STRN3: variants seen among roughly 807,000 people sequenced by gnomAD.
The protein encoded by STRN3 is striatin 3.
In STRN3, 29 loss-of-function variants were observed where a neutral mutation model predicts 95.6. That is an observed-to-expected ratio of 0.30 (90% CI 0.23 to 0.41). The LOEUF (loss-of-function observed/expected upper bound fraction) is 0.41. Ranked by LOEUF, STRN3 falls within the 10% of genes least tolerant of loss-of-function variation. The probability of loss-of-function intolerance (pLI) is 1.00; values close to 1 mark genes in which losing one functional copy is unlikely to be tolerated. For missense variants in STRN3, 890 were observed against 972.1 expected, an observed-to-expected ratio of 0.92 and a Z score of 1.12; for synonymous variants, 331 against 357.6, an observed-to-expected ratio of 0.93 and a Z score of 0.84.
Position 30,944,552 on chromosome 14 carries a change from C to T in STRN3, c.716+2538G>A, listed in dbSNP as rs941942995. Among the ~76,000 whole-genome samples, 94 of 64,034 alleles carry T rather than the reference C, an allele frequency of 1.5e-3. 1 individual carries two copies. Among genetic ancestry groups the T allele is most frequent in the African/African-American group, 5.6e-3 (75 of 13,340 alleles). 42.0% of individuals were successfully genotyped at this position (64,034 alleles called of 152,430 possible). The stretch of plus-strand genomic sequence containing the variant: ...ACATATATATACATGTATATATACA[C>T]GTATATATATATATATATACACACA... On this transcript the variant is annotated intron_variant, in intron 5 of 17. Transcript: ENST00000357479.
At chr14:30,911,962 A>G in intron 11 of STRN3, 45 bp downstream of exon 11, 1 of 1,585,506 alleles carries the variant, frequency 6.3e-7, no homozygotes, top group South Asian at 1.2e-5. Context: ...TACTTATATT[A>G]GCAAAATTGG....
intron 8 of STRN3, among the ~76,000 whole-genome samples, chr14:30,919,362 G>T (rs199568077): frequency 3.5e-4 from 52 of 146,554 alleles, no homozygotes; most frequent in African/African-American, 9.5e-4. Context: ...TCTCTAAAGA[G>T]ATATATATAT....
At position 30,935,381 on chromosome 14, in the gene STRN3, C is replaced by CA. The variant is rs1002743358; in HGVS notation, c.847-78dup. The CA allele has an allele frequency of 4.1e-6, 6 of 1,451,656 alleles. No homozygotes were observed. In the African/African-American group the frequency reaches 8.5e-5, roughly 21 times the overall value. 89.9% of individuals were successfully genotyped at this position (1,451,656 alleles called of 1,614,324 possible). On this transcript the variant is annotated intron_variant, in intron 6 of 17. Coordinates refer to ENST00000357479, the MANE Select transcript of STRN3 (RefSeq NM_001083893.2). ...ATGCTTTAATATTGTCACATAACTACATTTACACACCCATTTTAAAATTAC... is the reference window on the plus strand; with the variant it reads ...ATGCTTTAATATTGTCACATAACTACAATTTACACACCCATTTTAAAATTAC...
chr14:30,944,711 T>TG (rs1206588678), intron 5 of STRN3, among the ~76,000 whole-genome samples: 1 of 150,414 alleles, frequency 6.6e-6, no homozygotes, highest in Non-Finnish European at 1.5e-5. Flanking sequence ...CTTTGCCTCC[T>TG]GGTTCAAGCG....
intron 8 of STRN3, among the ~76,000 whole-genome samples, chr14:30,921,416 C>T (rs779254218): frequency 2.6e-5 from 4 of 152,106 alleles, no homozygotes; most frequent in African/African-American, 4.8e-5. Flanking sequence ...TTCAAACTGA[C>T]GATCCCAAAT....
chr14:30,933,479 T>C (rs776496879), intron 7 of STRN3, among the ~76,000 whole-genome samples: 3 of 151,918 alleles, frequency 2.0e-5, no homozygotes, highest in Admixed American at 6.6e-5. Flanking sequence ...AAAATAATTA[T>C]ATAATTATAA....
chr14:31,000,698 G>A (rs997192410), intron 1 of STRN3, among the ~76,000 whole-genome samples: 4 of 152,102 alleles, frequency 2.6e-5, no homozygotes, highest in African/African-American at 9.7e-5. Context: ...AATCTTCTCT[G>A]CTTTACTTTC....
chr14:30,979,375 T>C (rs1213224297), intron 1 of STRN3, among the ~76,000 whole-genome samples: 1 of 152,124 alleles, frequency 6.6e-6, no homozygotes, highest in Non-Finnish European at 1.5e-5. Flanking sequence ...TTCAATAAAA[T>C]AGGTACCAAA....
chr14:30,905,217 C>G (rs1896429407), intron 15 of STRN3, among the ~76,000 whole-genome samples: 1 of 152,056 alleles, frequency 6.6e-6, no homozygotes, highest in African/African-American at 2.4e-5. Context: ...TTCCTCTTTT[C>G]CCATATGTCC....
At chr14:31,021,433 AGAATTAAATGAATACTGAAT>A (rs1157585520) in intron 1 of STRN3, among the ~76,000 whole-genome samples, 6 of 152,348 alleles carry the variant, frequency 3.9e-5, no homozygotes, top group South Asian at 4.1e-4. Context: ...AGTTGTTTTG[AGAATTAAATGAATACTGAAT>A]GAATTAAATG....
intron 1 of STRN3, among the ~76,000 whole-genome samples, chr14:30,958,554 T>C (rs1034955994): frequency 6.6e-6 from 1 of 152,192 alleles, no homozygotes; most frequent in African/African-American, 2.4e-5. Flanking sequence ...TGGCTGTTTG[T>C]TGTTGTTGTT....
intron 1 of STRN3, among the ~76,000 whole-genome samples, chr14:31,007,011 T>C (rs1204467611): frequency 2.0e-5 from 3 of 152,060 alleles, no homozygotes; most frequent in African/African-American, 4.8e-5. Context: ...TAAAGTTAAA[T>C]AAAAGTATAT....
At chr14:30,987,207 A>T (rs1330216283) in intron 1 of STRN3, among the ~76,000 whole-genome samples, 2 of 152,186 alleles carry the variant, frequency 1.3e-5, no homozygotes, top group African/African-American at 4.8e-5. Flanking sequence ...GAAAAAGAAA[A>T]TATAAAATAC....
chr14:31,009,575 A>G (rs1882873568), intron 1 of STRN3, among the ~76,000 whole-genome samples: 1 of 151,516 alleles, frequency 6.6e-6, no homozygotes, highest in Admixed American at 6.6e-5. Context: ...TTGTTCCTGG[A>G]AAATCAGGAT....
chr14:30,908,757 C>G (rs935888830), intron 13 of STRN3, among the ~76,000 whole-genome samples: 2 of 152,194 alleles, frequency 1.3e-5, no homozygotes, highest in South Asian at 4.1e-4. Context: ...AGCCACTCTT[C>G]CAGTGTCAGA....
At chr14:30,909,759 T>C (rs1330137492) in intron 13 of STRN3, among the ~76,000 whole-genome samples, 1 of 152,216 alleles carries the variant, frequency 6.6e-6, no homozygotes, top group Non-Finnish European at 1.5e-5. Context: ...ATTACAGGCA[T>C]GGACCATTGT....
intron 1 of STRN3, among the ~76,000 whole-genome samples, chr14:31,022,039 A>T (rs1476815644): frequency 1.3e-5 from 2 of 152,168 alleles, no homozygotes; most frequent in African/African-American, 4.8e-5. Context: ...TAACAGTAAA[A>T]ATGTATGAAG....
chr14:30,946,705 C>T (rs1050986878), intron 5 of STRN3, among the ~76,000 whole-genome samples: 1 of 152,122 alleles, frequency 6.6e-6, no homozygotes, highest in African/African-American at 2.4e-5. Flanking sequence ...CAGTTGGGCA[C>T]GCTGGCTCAC....
At chr14:30,988,547 G>C (rs1402799367) in intron 1 of STRN3, among the ~76,000 whole-genome samples, 1 of 152,136 alleles carries the variant, frequency 6.6e-6, no homozygotes, top group Non-Finnish European at 1.5e-5. Flanking sequence ...GCAAAACTTG[G>C]TTGGAATGCA....
Sources: allele counts gnomAD v4.1 joint callset (sites outside exome capture counted in the v4.1 genomes callset), GRCh38; gene constraint gnomAD v4.1.1; transcripts MANE v1.5; gene names NCBI Gene and HGNC (gene_info 2026-07-23, HGNC 2026-07-21).